Variants in PLA2G2D observed in about 807,000 individuals in gnomAD.
The protein encoded by PLA2G2D is phospholipase A2 group IID, also known as group IID secretory phospholipase A2.
PLA2G2D carries 17 observed loss-of-function variants against 13.9 expected under a neutral mutation model. That is an observed-to-expected ratio of 1.23 (90% CI 0.84 to 1.84). PLA2G2D has a LOEUF of 1.84. Among genes scored for constraint, PLA2G2D ranks in the 40% most tolerant of loss-of-function variants. The pLI is 0.00. For missense variants in PLA2G2D, 194 were observed against 178.7 expected, an observed-to-expected ratio of 1.09 and a Z score of -0.49; for synonymous variants, 83 against 69.3, an observed-to-expected ratio of 1.20 and a Z score of -0.98.
At chr1:20,114,399 T>A in intron 3 of PLA2G2D, 140 bp from the exon 4 acceptor site, 1 of 816,444 alleles carries the variant, frequency 1.2e-6, no homozygotes, top group Non-Finnish European at 1.9e-6. Flanking sequence ...TCTAGCTGCA[T>A]GACTTGGCCA....
At position 20,115,515 on chromosome 1, in the gene PLA2G2D, ATGTTCCCCTGGGAAAAGT is replaced by A. The variant is rs778379806; in HGVS notation, c.266_283del (p.Asn89_Asn94del). The A allele has an allele frequency of 6.3e-7, 1 of 1,587,302 alleles. No homozygotes were observed. Among genetic ancestry groups the A allele is most frequent in the Non-Finnish European group, 8.6e-7 (1 of 1,156,074 alleles). Reference sequence around the variant, plus strand: ...GAGGTCTGCGTACTCACAGCAGTGGATGTTCCCCTGGGAAAAGTTGTATCTGTAATAGTCCTTGTAGAT... The same window carrying A: ...GAGGTCTGCGTACTCACAGCAGTGGATGTATCTGTAATAGTCCTTGTAGAT... On this transcript the variant is annotated inframe_deletion, in exon 3 of 4. Transcript: ENST00000375105.
chr1:20,114,328 G>T, intron 3 of PLA2G2D, 69 bp from the exon 4 acceptor site: 1 of 1,506,414 alleles, frequency 6.6e-7, no homozygotes, highest in Non-Finnish European at 9.1e-7. Context: ...GAGTCTAGCA[G>T]CCTCTGAAGT....
intron 1 of PLA2G2D, among the ~76,000 whole-genome samples, chr1:20,117,147 C>A (rs2017006137): frequency 6.6e-6 from 1 of 152,178 alleles, no homozygotes; most frequent in Admixed American, 6.5e-5. Flanking sequence ...CCAATTTCCT[C>A]AAATGTTATC....
rs1179446198 is a variant in PLA2G2D, at chr1:20,116,451, G to A, written c.67C>T (p.Leu23=). The change falls in exon 2 of 4, where the codon CTG becomes TTG. Residue 23 remains leucine, a synonymous_variant. Coordinates refer to ENST00000375105, the MANE Select transcript of PLA2G2D (RefSeq NM_012400.4). ...TGCTTGACCATCTTGTTCAGGTTCA[G>A]GATCCCGCCCTGGATTGGAATCACA... is the stretch of plus-strand genomic sequence containing the variant. ...AGVIPIQGGI[L]NLNKMVKQVT... The A allele has an allele frequency of 6.2e-7, 1 of 1,613,984 alleles. No individual in the cohort carries two copies. Among genetic ancestry groups the A allele is most frequent in the East Asian group, 2.2e-5 (1 of 44,860 alleles).
chr1:20,117,021 C>G (rs144184168), intron 1 of PLA2G2D, among the ~76,000 whole-genome samples: 1 of 151,930 alleles, frequency 6.6e-6, no homozygotes, highest in Non-Finnish European at 1.5e-5. Flanking sequence ...ATTGATTTCT[C>G]GACTCCATCT....
Position 20,115,859 on chromosome 1 carries a change from C to T in PLA2G2D, c.186-246G>A, listed in dbSNP as rs574470593. Among the ~76,000 whole-genome samples the T allele has an allele frequency of 1.5e-4, 23 of 152,254 alleles. No homozygotes were observed. In the South Asian group the frequency reaches 3.9e-3, roughly 26 times the overall value. On this transcript the variant is annotated intron_variant, in intron 2 of 3. Transcript: ENST00000375105. Reference sequence around the variant, plus strand: ...ATGGGATGGAGGTACTCATATTATCCGCTCTTCAGAGATGAAGAAACTGAG... The same window carrying T: ...ATGGGATGGAGGTACTCATATTATCTGCTCTTCAGAGATGAAGAAACTGAG...
intron 1 of PLA2G2D, among the ~76,000 whole-genome samples, chr1:20,119,153 T>C (rs1206790822): frequency 6.6e-6 from 1 of 152,144 alleles, no homozygotes; most frequent in Admixed American, 6.5e-5. Flanking sequence ...AGGGGTGAAG[T>C]GACCTGTGTC....
intron 3 of PLA2G2D, among the ~76,000 whole-genome samples, chr1:20,114,849 T>C (rs900784780): frequency 3.9e-5 from 6 of 152,102 alleles, no homozygotes; most frequent in African/African-American, 1.2e-4. Context: ...GCTCAATAAA[T>C]GTTGGATATT....
Position 20,112,008 on chromosome 1 carries a change from C to T in PLA2G2D, c.*2106G>A, listed in dbSNP as rs1181648015. The T allele has an allele frequency of 6.9e-6, 1 of 145,396 alleles. No homozygotes were observed. Among genetic ancestry groups the T allele is most frequent in the African/African-American group, 2.6e-5 (1 of 38,560 alleles). 9.0% of individuals were successfully genotyped at this position (145,396 alleles called of 1,614,324 possible). ...TTGAGACAGAGTGTCACTCTGTTGC[C>T]CAGGCTGGAGTGCAGTGTCGCGATC... is the stretch of plus-strand genomic sequence containing the variant. On this transcript the variant is annotated 3_prime_UTR_variant, in exon 4 of 4. Transcript: ENST00000375105.
Position 20,115,552 on chromosome 1 carries a change from T to C in PLA2G2D, c.247A>G (p.Lys83Glu), listed in dbSNP as rs1010481911. 6.2e-7 allele frequency: 1 copy of C among 1,612,636 alleles called. No homozygotes were observed. The highest frequency in any genetic ancestry group is 8.5e-7 in the Non-Finnish European group (1 of 1,178,682). ...HLKTQGCSIY[K>E]DYYRYNFSQG... The stretch of plus-strand genomic sequence containing the variant: ...GAAAAGTTGTATCTGTAATAGTCCT[T>C]GTAGATGCTGCACCCCTGGGTCTTC... The change falls in exon 3 of 4, where the codon AAG (lysine) becomes GAG (glutamate). Residue 83 changes from lysine (K) to glutamate (E), a missense_variant. By Grantham distance (56) the Lys-to-Glu change is moderately conservative (BLOSUM62 1). Coordinates refer to ENST00000375105, the MANE Select transcript of PLA2G2D (RefSeq NM_012400.4).
rs2016970300 is a variant in PLA2G2D, at chr1:20,115,593, C to T, written c.206G>A (p.Cys69Tyr). 3.1e-6 allele frequency: 5 copies of T among 1,611,758 alleles called. No individual in the cohort carries two copies. Among genetic ancestry groups the T allele is most frequent in the Non-Finnish European group, 4.2e-6 (5 of 1,177,892 alleles). Residue 69 changes from cysteine (C) to tyrosine (Y), a missense_variant, in exon 3 of 4, where the codon TGC (cysteine) becomes TAC (tyrosine). Physicochemically the swap from Cys to Tyr is radical, Grantham distance 194 (BLOSUM62 -2). Coordinates refer to ENST00000375105, the MANE Select transcript of PLA2G2D (RefSeq NM_012400.4). The part of the protein sequence containing the change: ...ATDWCCQTHD[C>Y]CYDHLKTQGC... ...CTGGGTCTTCAGGTGGTCATAGCAG[C>T]AGTCATGGGTCTGGCAGCACCTGGA...
chr1:20,115,018 G>T (rs1409249010), intron 3 of PLA2G2D, among the ~76,000 whole-genome samples: 1 of 152,138 alleles, frequency 6.6e-6, no homozygotes, highest in East Asian at 1.9e-4. Context: ...CTGTCAGTTG[G>T]AGGCAGACAC....
Position 20,112,664 on chromosome 1 carries a change from C to T in PLA2G2D, c.*1450G>A, listed in dbSNP as rs1269099626. The T allele has an allele frequency of 6.6e-6, 1 of 152,180 alleles. No individual in the cohort carries two copies. Among genetic ancestry groups the T allele is most frequent in the Non-Finnish European group, 1.5e-5 (1 of 68,048 alleles). The allele number at this position is 152,180 out of a possible 1,614,324, so 9.4% of individuals were successfully genotyped here. ...TGAGACAAGGATTCTTGTGCAAATG[C>T]TTTACTGAGGGAGTACTTTCTGGAG... On this transcript the variant is annotated 3_prime_UTR_variant, in exon 4 of 4. Transcript: ENST00000375105.
intron 3 of PLA2G2D, 84 bp downstream of exon 3, chr1:20,115,423 C>A (rs2016964490): frequency 2.4e-6 from 2 of 825,800 alleles, no homozygotes; most frequent in African/African-American, 3.4e-5. Context: ...ACAGAGAGGT[C>A]AAGTAGCTGT....
At chr1:20,118,432 G>A (rs1163637300) in intron 1 of PLA2G2D, among the ~76,000 whole-genome samples, 2 of 152,168 alleles carry the variant, frequency 1.3e-5, no homozygotes, top group African/African-American at 2.4e-5. Flanking sequence ...AACTGGCTTA[G>A]CTTGTCAGCC....
At position 20,111,954 on chromosome 1, in the gene PLA2G2D, T is replaced by TTTTATTTTAC. The variant is rs1220765807; in HGVS notation, c.*2159_*2160insGTAAAATAAA. 1 of 148,374 alleles carries TTTTATTTTAC rather than the reference T, an allele frequency of 6.7e-6. No individual in the cohort carries two copies. The highest frequency in any genetic ancestry group is 1.5e-5 in the Non-Finnish European group (1 of 67,370). 9.2% of individuals were successfully genotyped at this position (148,374 alleles called of 1,614,324 possible). On this transcript the variant is annotated 3_prime_UTR_variant, in exon 4 of 4. Coordinates refer to ENST00000375105, the MANE Select transcript of PLA2G2D (RefSeq NM_012400.4). Reference sequence around the variant, plus strand: ...TTTTATTTTATTTTATTTTATTTTATTTTATTTTATTTTATTTTATTTTAT... The same window carrying TTTTATTTTAC: ...TTTTATTTTATTTTATTTTATTTTATTTTATTTTACTTTATTTTATTTTATTTTATTTTAT...
intron 2 of PLA2G2D, 39 bp downstream of exon 2, chr1:20,116,294 G>T: frequency 1.9e-6 from 3 of 1,603,440 alleles, no homozygotes; most frequent in Non-Finnish European, 2.6e-6. Flanking sequence ...ACCGTAGTCG[G>T]GGACAGTATA....
chr1:20,115,678 C>T, intron 2 of PLA2G2D, 65 bp from the exon 3 acceptor site: 2 of 1,023,508 alleles, frequency 2.0e-6, no homozygotes, highest in Non-Finnish European at 3.1e-6. Context: ...GCTGCTCCCC[C>T]TACTGGAGAA....
rs1557767871 is a variant in PLA2G2D, at chr1:20,116,334, A to C, written c.184T>G (p.Trp62Gly). The change falls in exon 2 of 4, where the codon TGG becomes GGG. Residue 62 changes from tryptophan (W) to glycine (G), a missense_variant and splice_region_variant. Physicochemically the swap from Trp to Gly is radical, Grantham distance 184. Coordinates refer to ENST00000375105, the MANE Select transcript of PLA2G2D (RefSeq NM_012400.4). ...GRGQPKDATD[W>G]CCQTHDCCYD... Reference sequence around the variant, plus strand: ...TGCCAGCCCTGAGAAAGGAGTTACCAGTCCGTGGCATCTTTGGGTTGGCCT... The same window carrying C: ...TGCCAGCCCTGAGAAAGGAGTTACCCGTCCGTGGCATCTTTGGGTTGGCCT... 2 of 1,614,164 alleles carry C rather than the reference A, an allele frequency of 1.2e-6. No homozygotes were observed. Among genetic ancestry groups the C allele is most frequent in the Non-Finnish European group, 1.7e-6 (2 of 1,179,960 alleles).
Sources: gnomAD v4.1 joint callset for allele counts (sites outside exome capture counted in the v4.1 genomes callset) on GRCh38, gnomAD v4.1.1 for gene constraint, MANE v1.5 for transcripts, NCBI Gene and HGNC (gene_info 2026-07-23, HGNC 2026-07-21) for gene names.